The following TLE7 variants were observed in gnomAD, a reference collection of about 807,000 sequenced individuals.
TLE7 encodes transducin-like enhancer protein 7.
At chr16:71,439,635 T>A (rs2042839678) in intron 1 of TLE7, among the ~76,000 whole-genome samples, 1 of 152,134 alleles carries the variant, frequency 6.6e-6, no homozygotes, top group Admixed American at 6.5e-5. Flanking sequence ...TCACCAGTCA[T>A]CCGGGAAATG....
At chr16:71,436,489 G>A (rs994098536) in intron 1 of TLE7, among the ~76,000 whole-genome samples, 12 of 152,166 alleles carry the variant, frequency 7.9e-5, no homozygotes, top group African/African-American at 2.2e-4. Flanking sequence ...GTAAGACAGG[G>A]ACCCACCAAG....
intron 1 of TLE7, among the ~76,000 whole-genome samples, 178 bp from the exon 2 acceptor site, chr16:71,433,598 G>A (rs762296916): frequency 2.0e-5 from 3 of 152,230 alleles, no homozygotes; most frequent in Non-Finnish European, 4.4e-5. Flanking sequence ...CAAGCACTTT[G>A]AGATGTTAGT....
chr16:71,436,387 A>G (rs923819849), intron 1 of TLE7, among the ~76,000 whole-genome samples: 7 of 152,096 alleles, frequency 4.6e-5, no homozygotes, highest in Admixed American at 6.5e-5. Flanking sequence ...CTGTCAATCA[A>G]TCACCAGACG....
At chr16:71,432,487 A>C (rs1229078746) in intron 4 of TLE7, among the ~76,000 whole-genome samples, 162 bp from the exon 5 acceptor site, 1 of 152,140 alleles carries the variant, frequency 6.6e-6, no homozygotes, top group Non-Finnish European at 1.5e-5. Flanking sequence ...AAGAAATGAC[A>C]CTGTGAGCTG....
chr16:71,435,492 G>A (rs1217683710), intron 1 of TLE7, among the ~76,000 whole-genome samples: 11 of 152,204 alleles, frequency 7.2e-5, no homozygotes. Context: ...GTATTAATAA[G>A]TGGGTGAAAA....
chr16:71,437,446 G>C (rs890240976), intron 1 of TLE7, among the ~76,000 whole-genome samples: 1 of 136,852 alleles, frequency 7.3e-6, no homozygotes, highest in Non-Finnish European at 1.6e-5. Flanking sequence ...AAGGAAGGAA[G>C]AAAGGAAAGA....
Position 71,436,837 on chromosome 16 carries a change from C to T in TLE7, c.-96-3417G>A, listed in dbSNP as rs79721691. ...AAAGACTGAGGAACACTCTCTTTTT[C>T]GTGGCTGTCTCAGCCAGTGGTTCTT... On this transcript the variant is annotated intron_variant, in intron 1 of 9. Coordinates refer to ENST00000561754, the MANE Select transcript of TLE7 (RefSeq NM_001367365.2). Among the ~76,000 whole-genome samples the T allele has an allele frequency of 8.0e-3, 1,211 of 152,302 alleles. 28 individuals carry two copies. In the East Asian group the frequency reaches 0.087, roughly 11 times the overall value.
At chr16:71,439,009 TC>T (rs2042837521) in intron 1 of TLE7, among the ~76,000 whole-genome samples, 1 of 152,184 alleles carries the variant, frequency 6.6e-6, no homozygotes, top group African/African-American at 2.4e-5. Context: ...CTGTGCCCCT[TC>T]CCCACCACCT....
chr16:71,433,566 T>TGTCAAGGGTGAA, intron 1 of TLE7, 146 bp from the exon 2 acceptor site: 1 of 381,052 alleles, frequency 2.6e-6, no homozygotes, highest in Non-Finnish European at 4.6e-6. Context: ...GCGGCAATGA[T>TGTCAAGGGTGAA]GTCAAGGGTG....
intron 1 of TLE7, among the ~76,000 whole-genome samples, chr16:71,437,165 A>C (rs2042829286): frequency 6.6e-6 from 1 of 152,148 alleles, no homozygotes; most frequent in Non-Finnish European, 1.5e-5. Flanking sequence ...CCTGGCCAAC[A>C]TGGTGAAACC....
At chr16:71,439,295 G>T (rs73571723) in intron 1 of TLE7, among the ~76,000 whole-genome samples, 8,111 of 152,274 alleles carry the variant, frequency 0.053, 689 homozygotes, top group African/African-American at 0.18. Flanking sequence ...AGGATGGAAG[G>T]ACTCAGCGGG....
intron 9 of TLE7, 142 bp from the exon 10 acceptor site, chr16:71,430,508 G>C: frequency 2.5e-6 from 1 of 397,928 alleles, no homozygotes; most frequent in East Asian, 3.6e-5. Flanking sequence ...GGTGACTTGG[G>C]AGTTCATAGG....
At chr16:71,430,506 G>A (rs2042797397) in intron 9 of TLE7, 140 bp from the exon 10 acceptor site, 2 of 397,774 alleles carry the variant, frequency 5.0e-6, no homozygotes. Flanking sequence ...AAGGTGACTT[G>A]GGAGTTCATA....
intron 1 of TLE7, among the ~76,000 whole-genome samples, chr16:71,438,370 A>G (rs1296361218): frequency 6.7e-6 from 1 of 149,572 alleles, no homozygotes; most frequent in African/African-American, 2.5e-5. Flanking sequence ...CAGAGCCCTG[A>G]AGCAAGATTG....
At chr16:71,434,457 G>A (rs2042818673) in intron 1 of TLE7, among the ~76,000 whole-genome samples, 1 of 152,172 alleles carries the variant, frequency 6.6e-6, no homozygotes, top group African/African-American at 2.4e-5. Flanking sequence ...AATGCGCGGG[G>A]AAAGGATCTT....
At chr16:71,440,997 G>C (rs1449375909) in intron 1 of TLE7, among the ~76,000 whole-genome samples, 1 of 152,144 alleles carries the variant, frequency 6.6e-6, no homozygotes, top group Non-Finnish European at 1.5e-5. Flanking sequence ...CTCCCGCATC[G>C]TACATTGCTC....
chr16:71,441,856 A>C (rs1477332715), intron 1 of TLE7, 113 bp downstream of exon 1: 1 of 152,258 alleles, frequency 6.6e-6, no homozygotes, highest in African/African-American at 2.4e-5. Flanking sequence ...CGCCGGCGCC[A>C]GCACCTCCGC....
At chr16:71,441,728 C>A (rs76753397) in intron 1 of TLE7, among the ~76,000 whole-genome samples, 8,408 of 152,312 alleles carry the variant, frequency 0.055, 781 homozygotes, top group African/African-American at 0.19. Context: ...CGCTCCCCTG[C>A]CCCCTTCCAG....
At chr16:71,432,519 G>A (rs2042810040) in intron 4 of TLE7, 146 bp downstream of exon 4, 1 of 397,680 alleles carries the variant, frequency 2.5e-6, no homozygotes, top group Admixed American at 4.4e-5. Context: ...TCTCAGGATG[G>A]GGGAACAGGG....
Sources: allele counts gnomAD v4.1 joint callset (sites outside exome capture counted in the v4.1 genomes callset), GRCh38; gene constraint gnomAD v4.1.1; transcripts MANE v1.5; gene names NCBI Gene and HGNC (gene_info 2026-07-23, HGNC 2026-07-21).